Variants in SNX6 observed in about 807,000 individuals in gnomAD.
SNX6 encodes the protein sorting nexin 6, also known as sorting nexin-6.
Under a neutral mutation model 63.0 loss-of-function variants are expected in SNX6, and 34 were observed. The ratio of observed to expected loss-of-function variants is 0.54; its 90% confidence interval spans 0.41 to 0.72. The LOEUF (loss-of-function observed/expected upper bound fraction) is 0.72, where lower values mean the gene tolerates loss of function less well. Ranked by LOEUF, SNX6 falls within the 30% of genes least tolerant of loss-of-function variation. SNX6 has a pLI of 0.00. For synonymous variants in SNX6, 170 were observed against 164.2 expected (o/e 1.04, Z -0.27); for missense variants, 398 against 471.4 (o/e 0.84, Z 1.44).
chr14:34,563,178 A>C lies in SNX6; in HGVS notation c.1168-3T>G. The C allele has an allele frequency of 6.2e-7, 1 of 1,611,668 alleles. No homozygotes were observed. The highest frequency in any genetic ancestry group is 8.5e-7 in the Non-Finnish European group (1 of 1,178,374). On this transcript the variant is annotated splice_polypyrimidine_tract_variant and splice_region_variant and intron_variant, in intron 13 of 13. Coordinates refer to ENST00000362031, the MANE Select transcript of SNX6 (RefSeq NM_152233.4). The stretch of plus-strand genomic sequence containing the variant: ...TTCTGCAGCAACTGTAGATTACCCT[A>C]AAAAAGGAAGAAAAAATAAATTACA...
At chr14:34,587,863 T>C (rs1174377354) in intron 8 of SNX6, among the ~76,000 whole-genome samples, 1 of 140,724 alleles carries the variant, frequency 7.1e-6, no homozygotes, top group Non-Finnish European at 1.5e-5. Context: ...CAGGCTGGAG[T>C]GCAGTGGTGG....
intron 8 of SNX6, among the ~76,000 whole-genome samples, chr14:34,586,769 G>C (rs1471770433): frequency 1.3e-5 from 2 of 151,582 alleles, no homozygotes; most frequent in South Asian, 4.2e-4. Flanking sequence ...CAGCACTTTG[G>C]GAGGCCGTGG....
At chr14:34,565,797 C>T (rs1166450712) in intron 13 of SNX6, among the ~76,000 whole-genome samples, 1 of 152,020 alleles carries the variant, frequency 6.6e-6, no homozygotes, top group Non-Finnish European at 1.5e-5. Context: ...TCATGCCATT[C>T]TCCTGCCTCA....
chr14:34,605,565 AAAAAAAC>A, intron 5 of SNX6, 24 bp downstream of exon 5: 1 of 1,510,612 alleles, frequency 6.6e-7, no homozygotes, highest in Non-Finnish European at 8.8e-7. Flanking sequence ...CAACCAAAAA[AAAAAAAC>A]AAAAAAATAA....
intron 8 of SNX6, among the ~76,000 whole-genome samples, chr14:34,592,277 T>C (rs964620174): frequency 1.3e-5 from 2 of 152,048 alleles, no homozygotes; most frequent in African/African-American, 4.8e-5. Context: ...TCCCAGCTAC[T>C]TGGGAGGCTG....
At chr14:34,606,446 A>G (rs1225946065) in intron 4 of SNX6, among the ~76,000 whole-genome samples, 1 of 105,764 alleles carries the variant, frequency 9.5e-6, no homozygotes, top group Non-Finnish European at 1.9e-5. Flanking sequence ...AGACACTTCC[A>G]ACTCTTCTTT....
intron 2 of SNX6, among the ~76,000 whole-genome samples, chr14:34,616,011 A>G (rs1285008521): frequency 6.6e-6 from 1 of 152,190 alleles, no homozygotes; most frequent in Non-Finnish European, 1.5e-5. Context: ...GCTGGAGTGC[A>G]GTGGCGTGAT....
intron 2 of SNX6, among the ~76,000 whole-genome samples, chr14:34,625,272 A>G (rs975570344): frequency 6.6e-6 from 1 of 152,164 alleles, no homozygotes; most frequent in African/African-American, 2.4e-5. Flanking sequence ...TGCAATGCCT[A>G]AAAGTTCTAA....
chr14:34,606,938 G>C lies in SNX6; in HGVS notation c.270+1092C>G, dbSNP rs1594738464. On this transcript the variant is annotated intron_variant, in intron 4 of 13. Coordinates refer to ENST00000362031, the MANE Select transcript of SNX6 (RefSeq NM_152233.4). ...TTACAGGCACCAGCCACAACGCCCAGCTAATTTTTAAAAATATTTTTAGTA... is the reference window on the plus strand; with the variant it reads ...TTACAGGCACCAGCCACAACGCCCACCTAATTTTTAAAAATATTTTTAGTA... Among the ~76,000 whole-genome samples, 3 of 151,884 alleles carry C rather than the reference G, an allele frequency of 2.0e-5. No individual in the cohort carries two copies. The East Asian group carries it at 5.8e-4, about 30-fold the overall frequency.
rs201641876 is a variant in SNX6 at position 34,605,616 on chromosome 14, C to T, written c.372G>A (p.Lys124=). 644 of 1,588,420 alleles carry T rather than the reference C, an allele frequency of 4.1e-4. 2 individuals carry two copies. The highest frequency in any genetic ancestry group is 4.9e-4 in the Non-Finnish European group (570 of 1,171,276). ...CTTACGCTTCCAGTTCCTGTTTCAT[C>T]TTTGTGAATTCTTCCTTCGTCATTG... ...EGSMTKEEFT[K]MKQELEAEYL... is the part of the protein sequence containing the mutation. The change falls in exon 5 of 14, where the codon AAG becomes AAA. Residue 124 remains lysine (K), a synonymous_variant. Transcript: ENST00000362031.
intron 9 of SNX6, among the ~76,000 whole-genome samples, chr14:34,585,499 G>T (rs528798157): frequency 6.6e-6 from 1 of 152,126 alleles, no homozygotes; most frequent in African/African-American, 2.4e-5. Context: ...CAGCCTGGGT[G>T]ACAGAATAAG....
intron 6 of SNX6, among the ~76,000 whole-genome samples, chr14:34,599,078 G>A (rs1233707023): frequency 1.3e-5 from 2 of 152,164 alleles, no homozygotes; most frequent in Admixed American, 1.3e-4. Context: ...CACGCAATCT[G>A]CTAGCACCCT....
intron 7 of SNX6, among the ~76,000 whole-genome samples, chr14:34,593,929 T>C (rs2138323114): frequency 6.6e-6 from 1 of 152,126 alleles, no homozygotes; most frequent in Middle Eastern, 3.4e-3. Context: ...TTGGCCAGGC[T>C]GGTCTCAAGT....
chr14:34,625,152 T>C (rs1883779383), intron 2 of SNX6, among the ~76,000 whole-genome samples: 1 of 152,012 alleles, frequency 6.6e-6, no homozygotes. Context: ...CCCGACCTCG[T>C]GATCCACCCA....
chr14:34,580,276 A>G (rs1449231511), intron 10 of SNX6, among the ~76,000 whole-genome samples: 6 of 152,200 alleles, frequency 3.9e-5, no homozygotes, highest in African/African-American at 1.4e-4. Context: ...AGGAGGAGAC[A>G]GGGCATCTGG....
intron 2 of SNX6, among the ~76,000 whole-genome samples, chr14:34,628,542 T>C (rs966559681): frequency 7.2e-5 from 11 of 151,984 alleles, no homozygotes; most frequent in African/African-American, 2.7e-4. Flanking sequence ...GGTGGGAGGA[T>C]CACTTAAGCC....
In SNX6 at chr14:34,579,511, G is replaced by A. The variant is rs575108478; in HGVS notation, c.834+2050C>T. On this transcript the variant is annotated intron_variant, in intron 10 of 13. Transcript: ENST00000362031. ...TAGTCCTAACTACTTGGGAGGCTGA[G>A]GCAAGAGGATGCTTGAGCTCAAGAG... Among the ~76,000 whole-genome samples, 4 of 152,120 alleles carry A rather than the reference G, an allele frequency of 2.6e-5. No individual in the cohort carries two copies. In the East Asian group the frequency reaches 7.7e-4, roughly 29 times the overall value.
intron 2 of SNX6, among the ~76,000 whole-genome samples, chr14:34,628,834 T>C (rs1594756898): frequency 6.6e-6 from 1 of 151,996 alleles, no homozygotes; most frequent in East Asian, 1.9e-4. Flanking sequence ...GAAGGAACCA[T>C]GGAACCTTGC....
chr14:34,629,684 G>A, intron 2 of SNX6: 1 of 761,480 alleles, frequency 1.3e-6, no homozygotes, highest in East Asian at 2.7e-5. Flanking sequence ...AACAGCGGCG[G>A]GGGACAAGAA....
Sources: gnomAD v4.1 joint callset for allele counts (sites outside exome capture counted in the v4.1 genomes callset) on GRCh38, gnomAD v4.1.1 for gene constraint, MANE v1.5 for transcripts, NCBI Gene and HGNC (gene_info 2026-07-23, HGNC 2026-07-21) for gene names.